The following RARB variants were observed in gnomAD, a reference collection of about 807,000 sequenced individuals.
The protein encoded by RARB is HBV-activated protein.
In RARB, 17 loss-of-function variants were observed where a neutral mutation model predicts 51.9. The observed-to-expected ratio is 0.33, with a 90% CI of 0.22 to 0.49. The LOEUF (loss-of-function observed/expected upper bound fraction) is 0.49. Among genes scored for constraint, RARB ranks in the 20% least tolerant of loss-of-function variants. RARB has a pLI of 0.99. For missense variants in RARB, 369 were observed against 550.8 expected, an observed-to-expected ratio of 0.67 and a Z score of 3.30; for synonymous variants, 215 against 195.4, an observed-to-expected ratio of 1.10 and a Z score of -0.84.
chr3:25,216,482 G>C (rs950990802), intron 5 of RARB, among the ~76,000 whole-genome samples: 2 of 151,938 alleles, frequency 1.3e-5, no homozygotes, highest in Non-Finnish European at 2.9e-5. Context: ...AACTAACACA[G>C]GAACAGAAAA....
At chr3:25,166,466 T>TG (rs889694469) in intron 4 of RARB, among the ~76,000 whole-genome samples, 5 of 152,036 alleles carry the variant, frequency 3.3e-5, no homozygotes, top group Non-Finnish European at 5.9e-5. Context: ...TAAAATACAT[T>TG]GGGAAAAAAA....
exon 5 of RARB, chr3:25,174,565 G>C: frequency 7.4e-7 from 1 of 1,352,078 alleles, no homozygotes. Context: ...GCAGCACCCC[G>C]TCGCCGGCAA....
chr3:24,961,919 CTTTTTTTTT>C (rs35078496), intron 2 of RARB, among the ~76,000 whole-genome samples: 1 of 70,674 alleles, frequency 1.4e-5, no homozygotes, highest in Non-Finnish European at 2.5e-5. Context: ...CTTTGGGTGT[CTTTTTTTTT>C]TTTTTTTTTT....
At chr3:25,459,589 A>G (rs1445574214) in intron 1 of RARB, among the ~76,000 whole-genome samples, 2 of 152,198 alleles carry the variant, frequency 1.3e-5, no homozygotes, top group Non-Finnish European at 2.9e-5. Context: ...GAAGTGACCA[A>G]TGAAGAAGCT....
intron 2 of RARB, among the ~76,000 whole-genome samples, chr3:24,874,886 A>G (rs1703012049): frequency 6.6e-6 from 1 of 151,712 alleles, no homozygotes; most frequent in Non-Finnish European, 1.5e-5. Context: ...GCATTGTTTT[A>G]CTCTACTACA....
chr3:24,856,342 C>T (rs1298532223), intron 1 of RARB, among the ~76,000 whole-genome samples: 1 of 152,032 alleles, frequency 6.6e-6, no homozygotes, highest in Non-Finnish European at 1.5e-5. Flanking sequence ...CAGAGGAAGC[C>T]AATCAATAGT....
At chr3:25,325,684 T>G (rs980918530) in intron 5 of RARB, among the ~76,000 whole-genome samples, 3 of 151,908 alleles carry the variant, frequency 2.0e-5, no homozygotes, top group Admixed American at 1.3e-4. Context: ...ATAAATGGAA[T>G]GTTGTGGTGA....
chr3:25,229,774 T>C (rs2060565), intron 5 of RARB, among the ~76,000 whole-genome samples: 117,201 of 149,094 alleles, frequency 0.79, 46,287 homozygotes, highest in East Asian at 0.85. Flanking sequence ...AGGAGAACAG[T>C]GTGTAGCCAA....
At chr3:25,525,497 C>T (rs747772080) in intron 3 of RARB, among the ~76,000 whole-genome samples, 2 of 152,166 alleles carry the variant, frequency 1.3e-5, no homozygotes, top group Non-Finnish European at 2.9e-5. Flanking sequence ...CGGGCTCATG[C>T]CTTCATGAAT....
chr3:24,893,216 A>G (rs1703417273), intron 2 of RARB, among the ~76,000 whole-genome samples: 2 of 152,230 alleles, frequency 1.3e-5, no homozygotes, highest in South Asian at 4.1e-4. Flanking sequence ...TTGTGTTACC[A>G]ATTCAATGTC....
At chr3:25,377,908 G>C (rs1196533326) in intron 5 of RARB, among the ~76,000 whole-genome samples, 2 of 152,114 alleles carry the variant, frequency 1.3e-5, no homozygotes, top group African/African-American at 4.8e-5. Flanking sequence ...TTAAATCTGA[G>C]AGTCTCATAT....
At chr3:25,377,643 T>C (rs377053671) in intron 5 of RARB, among the ~76,000 whole-genome samples, 1 of 152,132 alleles carries the variant, frequency 6.6e-6, no homozygotes, top group African/African-American at 2.4e-5. Context: ...AAGCATTTAG[T>C]TGGGATTGTA....
At chr3:25,175,524 C>T (rs1257964232) in intron 5 of RARB, among the ~76,000 whole-genome samples, 1 of 152,174 alleles carries the variant, frequency 6.6e-6, no homozygotes, top group African/African-American at 2.4e-5. Context: ...CTCTTCGTGC[C>T]TTCAGTCATT....
At chr3:25,587,271 C>A (rs1701428080) in intron 5 of RARB, among the ~76,000 whole-genome samples, 4 of 151,872 alleles carry the variant, frequency 2.6e-5, no homozygotes, top group Admixed American at 2.6e-4. Flanking sequence ...GTCTGAGCTG[C>A]TAGGCAATAG....
intron 5 of RARB, among the ~76,000 whole-genome samples, chr3:25,371,775 T>G (rs1706308406): frequency 6.6e-6 from 1 of 152,372 alleles, no homozygotes; most frequent in African/African-American, 2.4e-5. Flanking sequence ...ATTTACTGTT[T>G]GAAAATGTTC....
intron 5 of RARB, among the ~76,000 whole-genome samples, chr3:25,298,099 A>G (rs1204668977): frequency 6.6e-6 from 1 of 151,994 alleles, no homozygotes. Context: ...GGGTAGGGGG[A>G]ATAGTATTTA....
chr3:24,929,343 T>C (rs1040680556), intron 2 of RARB, among the ~76,000 whole-genome samples: 8 of 152,024 alleles, frequency 5.3e-5, no homozygotes, highest in Admixed American at 1.3e-4. Flanking sequence ...GCTATTCTTA[T>C]GGATAAATTA....
chr3:25,121,857 G>A (rs575972115), intron 3 of RARB, among the ~76,000 whole-genome samples: 19 of 152,250 alleles, frequency 1.2e-4, no homozygotes, highest in African/African-American at 4.6e-4. Context: ...CCATTTGGAG[G>A]TTCATTGAGC....
rs140227684 is a variant in RARB at position 25,214,526 on chromosome 3, C to T, written c.178+39951C>T. 2.1e-3 allele frequency among the ~76,000 whole-genome samples: 326 copies of T among 152,138 alleles called. 2 individuals carry two copies. The highest frequency in any genetic ancestry group is 7.4e-3 in the African/African-American group (309 of 41,514). On this transcript the variant is annotated intron_variant, in intron 5 of 11. Transcript: ENST00000383772. Reference sequence around the variant, plus strand: ...TATAAATACATAAAATATGAACATCCATTTGTATAAGTCTGTATTTTTCAC... The same window carrying T: ...TATAAATACATAAAATATGAACATCTATTTGTATAAGTCTGTATTTTTCAC...
Sources: allele counts gnomAD v4.1 joint callset (sites outside exome capture counted in the v4.1 genomes callset), GRCh38; gene constraint gnomAD v4.1.1; transcripts MANE v1.5; gene names NCBI Gene and HGNC (gene_info 2026-07-23, HGNC 2026-07-21).